Variants in HTT observed in about 807,000 individuals in gnomAD.
HTT encodes huntington disease protein.
HTT carries 104 observed loss-of-function variants against 362.3 expected under a neutral mutation model. That is an observed-to-expected ratio of 0.29 (90% CI 0.24 to 0.34). The LOEUF (loss-of-function observed/expected upper bound fraction) is 0.34, where lower values mean the gene tolerates loss of function less well. Among genes scored for constraint, HTT ranks in the 10% least tolerant of loss-of-function variants. HTT has a pLI of 1.00. For synonymous variants in HTT, 1,577 were observed against 1,548.7 expected (o/e 1.02, Z -0.43); for missense variants, 3,301 against 3,928.6 (o/e 0.84, Z 4.27).
At chr4:3,236,052 C>A (rs1721513501) in intron 63 of HTT, 97 bp from the exon 64 acceptor site, 1 of 912,502 alleles carries the variant, frequency 1.1e-6, no homozygotes, top group East Asian at 2.4e-5. Context: ...GCTTTCAGAT[C>A]TCCAGGGACT....
At chr4:3,083,473 A>C (rs1211758088) in intron 1 of HTT, among the ~76,000 whole-genome samples, 2 of 151,092 alleles carry the variant, frequency 1.3e-5, no homozygotes, top group Non-Finnish European at 2.9e-5. Flanking sequence ...GCAGTGAGCT[A>C]TGATTATGCC....
intron 33 of HTT, 71 bp downstream of exon 33, chr4:3,175,178 A>G: frequency 7.3e-7 from 1 of 1,372,678 alleles, no homozygotes; most frequent in South Asian, 1.3e-5. Flanking sequence ...AAAGACACTG[A>G]AATCTACTTT....
In HTT at chr4:3,208,929, C is replaced by T; in HGVS notation, c.6291+18C>T. 6.2e-7 allele frequency: 1 copy of T among 1,603,782 alleles called. No individual in the cohort carries two copies. The highest frequency in any genetic ancestry group is 8.5e-7 in the Non-Finnish European group (1 of 1,176,466). On this transcript the variant is annotated intron_variant, in intron 46 of 66. Transcript: ENST00000355072. ...CGGACAAAGTAAGTGTCCAGCGTGTCTGCATGGGAGGCACAGGGCGCTGAG... is the reference window on the plus strand; with the variant it reads ...CGGACAAAGTAAGTGTCCAGCGTGTTTGCATGGGAGGCACAGGGCGCTGAG...
intron 6 of HTT, among the ~76,000 whole-genome samples, chr4:3,109,045 T>C (rs1390903742): frequency 7.0e-6 from 1 of 142,084 alleles, no homozygotes; most frequent in Non-Finnish European, 1.5e-5. Context: ...TAAAACAAGA[T>C]GCCATTTCTT....
intron 56 of HTT, 63 bp from the exon 57 acceptor site, chr4:3,225,598 T>C (rs1439711404): frequency 6.9e-7 from 1 of 1,450,190 alleles, no homozygotes; most frequent in East Asian, 2.3e-5. Flanking sequence ...TGGGCTGGTA[T>C]GGGGTGGGCC....
Position 3,239,952 on chromosome 4 carries a change from G to A in HTT, c.9322G>A (p.Asp3108Asn). 3.8e-6 allele frequency: 6 copies of A among 1,590,328 alleles called. No homozygotes were observed. The highest frequency in any genetic ancestry group is 1.8e-5 in the Admixed American group (1 of 56,558). ...FYRHQIEEEL[D>N]RRAFQSVLEV... ...CAGACACCAGATAGAGGAGGAGCTCGACCGCAGGGCCTTCCAGTCTGTGCT... is the reference window on the plus strand; with the variant it reads ...CAGACACCAGATAGAGGAGGAGCTCAACCGCAGGGCCTTCCAGTCTGTGCT... Residue 3108 changes from aspartate to asparagine, a missense_variant, in exon 67 of 67, where the codon GAC (aspartate) becomes AAC (asparagine). By Grantham distance (23) the Asp-to-Asn change is conservative. Transcript: ENST00000355072.
At chr4:3,209,979 C>A (rs1720070797) in intron 47 of HTT, 30 bp downstream of exon 47, 2 of 1,609,284 alleles carry the variant, frequency 1.2e-6, no homozygotes, top group South Asian at 1.1e-5. Context: ...GGCAAGGAAT[C>A]CTCAGCTTTT....
intron 10 of HTT, among the ~76,000 whole-genome samples, chr4:3,124,303 T>A (rs1715423774): frequency 6.6e-6 from 1 of 152,254 alleles, no homozygotes; most frequent in African/African-American, 2.4e-5. Context: ...ATTGCTCAGA[T>A]GAGTTTATCC....
chr4:3,105,366 C>G lies in HTT; in HGVS notation c.538C>G (p.Pro180Ala), dbSNP rs1035337838. The change falls in exon 5 of 67, where the codon CCT becomes GCT. Residue 180 changes from proline (P) to alanine (A), a missense_variant. Around this residue, in one of 4 missense-constraint regions of HTT, gnomAD observed 2,316 missense variants for 2,658.5 expected, o/e 0.87. Transcript: ENST00000355072. ...LYKEIKKNGA[P>A]RSLRAALWRF... is the part of the protein sequence containing the mutation. Reference sequence around the variant, plus strand: ...CATTGCACCCCCTCAGAATGGTGCCCCTCGGAGTTTGCGTGCTGCCCTGTG... The same window carrying G: ...CATTGCACCCCCTCAGAATGGTGCCGCTCGGAGTTTGCGTGCTGCCCTGTG... The G allele has an allele frequency of 5.0e-6, 8 of 1,613,376 alleles. No homozygotes were observed. The highest frequency in any genetic ancestry group is 6.8e-6 in the Non-Finnish European group (8 of 1,179,384).
intron 45 of HTT, among the ~76,000 whole-genome samples, chr4:3,208,153 A>G (rs1719961666): frequency 6.6e-6 from 1 of 152,228 alleles, no homozygotes; most frequent in African/African-American, 2.4e-5. Context: ...GGGCACAATT[A>G]GGTGGACAGT....
In HTT at chr4:3,160,298, A is replaced by G. The variant is rs1717373135; in HGVS notation, c.3770A>G (p.Gln1257Arg). The G allele has an allele frequency of 6.4e-7, 1 of 1,551,716 alleles. No homozygotes were observed. The highest frequency in any genetic ancestry group is 8.7e-7 in the Non-Finnish European group (1 of 1,146,592). ...HANYKVTLDL[Q>R]NSTEKFGGFL... ...CTTCCCAAGGTCACGCTGGATCTTC[A>G]GAACAGCACGGAAAAGTTTGGAGGG... Residue 1257 changes from glutamine to arginine, a missense_variant, in exon 29 of 67, where the codon CAG becomes CGG. Gln to Arg is a conservative substitution (Grantham distance 43). Around this residue, in one of 4 missense-constraint regions of HTT, gnomAD observed 2,316 missense variants for 2,658.5 expected, o/e 0.87. Transcript: ENST00000355072.
chr4:3,170,180 T>A (rs1006613943), intron 29 of HTT, among the ~76,000 whole-genome samples: 43 of 152,222 alleles, frequency 2.8e-4, no homozygotes, highest in African/African-American at 1.0e-3. Flanking sequence ...TGTGTTCCCA[T>A]AGATCTTCTT....
chr4:3,104,608 A>G (rs1714333063), intron 4 of HTT, among the ~76,000 whole-genome samples: 1 of 152,056 alleles, frequency 6.6e-6, no homozygotes, highest in African/African-American at 2.4e-5. Flanking sequence ...ACTTTGTCTC[A>G]AAAAATAAAA....
At chr4:3,166,876 C>T (rs1717740335) in intron 29 of HTT, among the ~76,000 whole-genome samples, 1 of 152,248 alleles carries the variant, frequency 6.6e-6, no homozygotes, top group African/African-American at 2.4e-5. Context: ...AGGGAAGTCC[C>T]CCGACCCCTT....
At chr4:3,135,276 T>C (rs369730536) in intron 19 of HTT, among the ~76,000 whole-genome samples, 13 of 151,996 alleles carry the variant, frequency 8.6e-5, no homozygotes, top group East Asian at 3.9e-4. Flanking sequence ...TGAGCCAAGA[T>C]TGTGGCCATT....
chr4:3,125,101 T>G (rs1039728409), intron 10 of HTT, among the ~76,000 whole-genome samples: 6 of 152,220 alleles, frequency 3.9e-5, no homozygotes, highest in African/African-American at 1.4e-4. Context: ...AATTAAAAGA[T>G]AATAAAATGA....
At chr4:3,121,522 A>T in intron 9 of HTT, 90 bp downstream of exon 9, 1 of 816,178 alleles carries the variant, frequency 1.2e-6, no homozygotes, top group Non-Finnish European at 2.0e-6. Context: ...TGTGCTAAGC[A>T]GTCTGCATTC....
At chr4:3,131,892 T>C (rs1715834819) in intron 16 of HTT, 117 bp downstream of exon 16, 1 of 938,974 alleles carries the variant, frequency 1.1e-6, no homozygotes, top group South Asian at 1.6e-5. Context: ...TTGGGATATT[T>C]GACCTGCGTT....
chr4:3,074,902 A>AGCAGCG lies in HTT; in HGVS notation c.82_83insGGCAGC (p.Gln27_Gln28insArgGln), dbSNP rs1373137895. On this transcript the variant is annotated inframe_insertion, in exon 1 of 67. Transcript: ENST00000355072. ...CAGCAGCAGCAGCAGCAGCAGCAGC[A>AGCAGCG]GCAGCAGCAGCAGCAGCAGCAGCAG... is the stretch of plus-strand genomic sequence containing the variant. 6.7e-7 allele frequency: 1 copy of AGCAGCG among 1,488,606 alleles called. No individual in the cohort carries two copies. The highest frequency in any genetic ancestry group is 8.9e-7 in the Non-Finnish European group (1 of 1,119,804). The allele number at this position is 1,488,606 out of a possible 1,614,324, so 92.2% of individuals were successfully genotyped here.
Sources: gnomAD v4.1 joint callset for allele counts (sites outside exome capture counted in the v4.1 genomes callset) on GRCh38, gnomAD v4.1.1 for gene constraint, gnomAD v4.1.1 regional missense constraint, MANE v1.5 for transcripts, NCBI Gene and HGNC (gene_info 2026-07-23, HGNC 2026-07-21) for gene names.